Variants in ZNF729 observed in about 807,000 individuals in gnomAD.
The protein encoded by ZNF729 is zinc finger protein 729.
In ZNF729, 15 loss-of-function variants were observed where a neutral mutation model predicts 12.2. The observed-to-expected ratio is 1.23, with a 90% CI of 0.82 to 1.89. ZNF729 has a LOEUF of 1.89. Ranked by LOEUF, ZNF729 falls within the 40% of genes most tolerant of loss-of-function variation. ZNF729 has a pLI of 0.00. For synonymous variants in ZNF729, 492 were observed against 476.3 expected (o/e 1.03, Z -0.43); for missense variants, 1,540 against 1,456.7 (o/e 1.06, Z -0.93).
rs762912586 is a variant in ZNF729, at chr19:22,313,688, A to G, written c.271A>G (p.Thr91Ala). The G allele has an allele frequency of 6.7e-7, 1 of 1,503,074 alleles. No individual in the cohort carries two copies. The highest frequency in any genetic ancestry group is 2.3e-5 in the East Asian group (1 of 43,198). The allele number at this position is 1,503,074 out of a possible 1,614,324, so 93.1% of individuals were successfully genotyped here. A position where few individuals can be genotyped will look rare whatever the true frequency, so the allele number is the denominator to read the frequency against. Residue 91 changes from threonine (T) to alanine (A), a missense_variant, in exon 4 of 4, where the codon ACA (threonine) becomes GCA (alanine). Physicochemically the swap from Thr to Ala is moderately conservative, Grantham distance 58. Transcript: ENST00000601693. ...TCTTCTAGTTATGCGTTCTCATTTT[A>G]CACAAGACCTTTGGCCAGATCAGAG... Reference protein sequence around the residue: ...TKPPVMRSHFTQDLWPDQSTK... With the variant: ...TKPPVMRSHFAQDLWPDQSTK...
chr19:22,298,155 G>A (rs1372314357), intron 1 of ZNF729, among the ~76,000 whole-genome samples: 2 of 152,000 alleles, frequency 1.3e-5, no homozygotes, highest in Admixed American at 1.3e-4. Context: ...TACGTGTAGT[G>A]TTTGTAGACA....
rs1340041271 is a variant in ZNF729 at position 22,316,950 on chromosome 19, A to G, written c.3533A>G (p.His1178Arg). The G allele has an allele frequency of 1.2e-5, 19 of 1,612,926 alleles. No individual in the cohort carries two copies. The highest frequency in any genetic ancestry group is 1.6e-5 in the Non-Finnish European group (19 of 1,179,908). ...AACCAGTCCTCACACCTTACTAGAC[A>G]CAAAACAATTCATACTGGAGAGAAA... ...AFNQSSHLTR[H>R]KTIHTGEKPY... Residue 1178 changes from histidine (H) to arginine (R), a missense_variant, in exon 4 of 4, where the codon CAC becomes CGC. His to Arg is a conservative substitution (Grantham distance 29). Coordinates refer to ENST00000601693, the MANE Select transcript of ZNF729 (RefSeq NM_001242680.2).
At chr19:22,297,644 G>GAT (rs35325085) in intron 1 of ZNF729, among the ~76,000 whole-genome samples, 382 of 148,468 alleles carry the variant, frequency 2.6e-3, no homozygotes, top group South Asian at 6.7e-3. Flanking sequence ...CTTTGGTGTA[G>GAT]ATATATATAT....
Position 22,303,814 on chromosome 19 carries a change from C to G in ZNF729, c.87C>G (p.Cys29Trp). The G allele has an allele frequency of 6.3e-7, 1 of 1,576,444 alleles. No individual in the cohort carries two copies. The highest frequency in any genetic ancestry group is 8.6e-7 in the Non-Finnish European group (1 of 1,156,510). ...AATTCTCTCTGGAGGAGTGGCAATGCCTGGACACGGTTCAGCAGAATTTAT... is the reference window on the plus strand; with the variant it reads ...AATTCTCTCTGGAGGAGTGGCAATGGCTGGACACGGTTCAGCAGAATTTAT... Reference protein sequence around the residue: ...TIEFSLEEWQCLDTVQQNLYR... With the variant: ...TIEFSLEEWQWLDTVQQNLYR... Residue 29 changes from cysteine (C) to tryptophan (W), a missense_variant, in exon 2 of 4, where the codon TGC becomes TGG. Physicochemically the swap from Cys to Trp is radical, Grantham distance 215. Coordinates refer to ENST00000601693, the MANE Select transcript of ZNF729 (RefSeq NM_001242680.2).
intron 1 of ZNF729, chr19:22,299,778 T>G (rs1157601192): frequency 6.6e-6 from 1 of 152,228 alleles, no homozygotes; most frequent in African/African-American, 2.4e-5. Context: ...GCTGAATTAC[T>G]GTTCCAATGT....
At chr19:22,295,364 G>A (rs111399529) in intron 1 of ZNF729, among the ~76,000 whole-genome samples, 1 of 150,418 alleles carries the variant, frequency 6.6e-6, no homozygotes, top group African/African-American at 2.5e-5. Flanking sequence ...TAGGAGCGGT[G>A]AGAGAAGGTA....
At chr19:22,301,352 A>C (rs1447828374) in intron 1 of ZNF729, among the ~76,000 whole-genome samples, 1 of 152,174 alleles carries the variant, frequency 6.6e-6, no homozygotes, top group Admixed American at 6.5e-5. Flanking sequence ...TAAACTGTCA[A>C]CTTAAATCTA....
chr19:22,310,169 T>G (rs1405493834), intron 3 of ZNF729, among the ~76,000 whole-genome samples: 1 of 152,156 alleles, frequency 6.6e-6, no homozygotes, highest in East Asian at 1.9e-4. Flanking sequence ...AGTGACAGTT[T>G]TACTTCCTCT....
At position 22,304,758 on chromosome 19, in the gene ZNF729, A is replaced by T; in HGVS notation, c.228A>T (p.Arg76Ser). ...KQGKEPWNMK[R>S]HEMVTKPPVM... is the part of the protein sequence containing the mutation. The stretch of plus-strand genomic sequence containing the variant: ...GGAAAGAGCCTTGGAATATGAAGAG[A>T]CATGAGATGGTAACTAAACCCCCAG... Residue 76 changes from arginine to serine, a missense_variant, in exon 3 of 4, where the codon AGA becomes AGT. Coordinates refer to ENST00000601693, the MANE Select transcript of ZNF729 (RefSeq NM_001242680.2). 6.2e-7 allele frequency: 1 copy of T among 1,613,436 alleles called. No individual in the cohort carries two copies. The highest frequency in any genetic ancestry group is 8.5e-7 in the Non-Finnish European group (1 of 1,179,680).
At chr19:22,308,452 C>G (rs1454495518) in intron 3 of ZNF729, among the ~76,000 whole-genome samples, 1 of 152,102 alleles carries the variant, frequency 6.6e-6, no homozygotes, top group African/African-American at 2.4e-5. Context: ...CCACACTGTT[C>G]TCCATAGAGG....
At chr19:22,312,440 T>TTGTGTGTATGTGTG (rs756607431) in intron 3 of ZNF729, among the ~76,000 whole-genome samples, 1 of 144,552 alleles carries the variant, frequency 6.9e-6, no homozygotes, top group African/African-American at 2.6e-5. Flanking sequence ...TTGTCTGAAA[T>TTGTGTGTATGTGTG]TGTGTGTGTG....
chr19:22,306,218 A>G (rs1409378769), intron 3 of ZNF729, among the ~76,000 whole-genome samples: 1 of 152,144 alleles, frequency 6.6e-6, no homozygotes, highest in African/African-American at 2.4e-5. Flanking sequence ...AAGCGGGCAG[A>G]TCACGAGGTC....
In ZNF729 at chr19:22,316,274, A is replaced by C; in HGVS notation, c.2857A>C (p.Lys953Gln). 6.2e-7 allele frequency: 1 copy of C among 1,613,690 alleles called. No individual in the cohort carries two copies. Among genetic ancestry groups the C allele is most frequent in the Non-Finnish European group, 8.5e-7 (1 of 1,179,748 alleles). Reference protein sequence around the residue: ...KAFNDSSTLMKHKIIHTGKKP... With the variant: ...KAFNDSSTLMQHKIIHTGKKP... The stretch of plus-strand genomic sequence containing the variant: ...TTTTAATGATTCCTCAACCCTTATG[A>C]AGCATAAGATAATTCATACTGGGAA... Residue 953 changes from lysine to glutamine, a missense_variant, in exon 4 of 4, where the codon AAG (lysine) becomes CAG (glutamine). Coordinates refer to ENST00000601693, the MANE Select transcript of ZNF729 (RefSeq NM_001242680.2).
chr19:22,287,409 G>T (rs2145037129), intron 1 of ZNF729, among the ~76,000 whole-genome samples: 1 of 152,072 alleles, frequency 6.6e-6, no homozygotes. Context: ...TGGGATTACA[G>T]GCATGTGCCA....
At chr19:22,297,922 T>C (rs1170498611) in intron 1 of ZNF729, among the ~76,000 whole-genome samples, 1 of 149,614 alleles carries the variant, frequency 6.7e-6, no homozygotes, top group African/African-American at 2.5e-5. Flanking sequence ...AGAGAATTGC[T>C]TGAACCCAGG....
intron 3 of ZNF729, among the ~76,000 whole-genome samples, chr19:22,311,200 T>G (rs1272401075): frequency 6.6e-6 from 1 of 152,162 alleles, no homozygotes; most frequent in Non-Finnish European, 1.5e-5. Flanking sequence ...CATTTCATTC[T>G]GCTCTGATTT....
chr19:22,295,013 T>A (rs988247375), intron 1 of ZNF729, among the ~76,000 whole-genome samples: 3 of 151,066 alleles, frequency 2.0e-5, no homozygotes, highest in Non-Finnish European at 4.4e-5. Context: ...CTTTCACTTC[T>A]CTGGTTAGGT....
intron 3 of ZNF729, among the ~76,000 whole-genome samples, chr19:22,309,566 G>A (rs1473971560): frequency 6.6e-6 from 1 of 152,116 alleles, no homozygotes; most frequent in Non-Finnish European, 1.5e-5. Context: ...ATTGGTTTAT[G>A]TGCCTATTTT....
chr19:22,291,554 A>G (rs1968154203), intron 1 of ZNF729, among the ~76,000 whole-genome samples: 1 of 152,164 alleles, frequency 6.6e-6, no homozygotes, highest in Non-Finnish European at 1.5e-5. Context: ...CTGAATCTGC[A>G]GCAGCAACCT....
Sources: gnomAD v4.1 joint callset for allele counts (sites outside exome capture counted in the v4.1 genomes callset) on GRCh38, gnomAD v4.1.1 for gene constraint, MANE v1.5 for transcripts, NCBI Gene and HGNC (gene_info 2026-07-23, HGNC 2026-07-21) for gene names.